DDX5: variants seen among roughly 807,000 people sequenced by gnomAD.
DDX5 encodes DEAD-box helicase 5.
DDX5 carries 6 observed loss-of-function variants against 68.6 expected under a neutral mutation model. The observed-to-expected ratio is 0.09, with a 90% CI of 0.05 to 0.17. The LOEUF (loss-of-function observed/expected upper bound fraction) is 0.17. Ranked by LOEUF, DDX5 falls within the 10% of genes least tolerant of loss-of-function variation. The pLI, the probability that DDX5 is intolerant of heterozygous loss-of-function variation, is 1.00. For missense variants in DDX5, 499 were observed against 756.1 expected (o/e 0.66, Z 3.99); for synonymous variants, 350 against 247.0 (o/e 1.42, Z -3.91).
chr17:64,506,018 T>TGGGGGGGGGGGGGG, intron 1 of DDX5, 58 bp downstream of exon 1: 1 of 1,309,550 alleles, frequency 7.6e-7, no homozygotes, highest in Non-Finnish European at 1.1e-6. Flanking sequence ...GCCGCCACCC[T>TGGGGGGGGGGGGGG]GACCCGCCCT....
chr17:64,504,635 C>T (rs2075552), intron 2 of DDX5, 42 bp downstream of exon 2: 167,086 of 1,554,328 alleles, frequency 0.11, 24,309 homozygotes, highest in African/African-American at 0.71. Flanking sequence ...CTAGAATCCA[C>T]GATCGAGTTA....
In DDX5 at chr17:64,498,918, G is replaced by C. The variant is rs1216591753; in HGVS notation, c.*1005C>G. Among the ~76,000 whole-genome samples the C allele has an allele frequency of 6.6e-6, 1 of 152,152 alleles. No individual in the cohort carries two copies. The highest frequency in any genetic ancestry group is 1.9e-4 in the East Asian group (1 of 5,202). ...CCTGATTAGTCATTAATTTTAATGA[G>C]GTTTTTTCCTTGTGTTGAGTATGAA... On this transcript the variant is annotated 3_prime_UTR_variant, in exon 13 of 13. Transcript: ENST00000225792.
rs782386009 is a variant in DDX5, at chr17:64,500,216, A to G, written c.1552T>C (p.Tyr518His). ...FRDRENYDRGYSSLLKRDFGA... is the reference protein window; with the variant it reads ...FRDRENYDRGHSSLLKRDFGA... ...AAATCTCTTTTAAGCAGGCTAGAGT[A>G]ACCTCTGTCATAATTTTCCCTGTCT... The change falls in exon 13 of 13, where the codon TAC becomes CAC. Residue 518 changes from tyrosine to histidine, a missense_variant. Tyr to His is a moderately conservative substitution (Grantham distance 83). Coordinates refer to ENST00000225792, the MANE Select transcript of DDX5 (RefSeq NM_004396.5). 6.2e-7 allele frequency: 1 copy of G among 1,614,190 alleles called. No homozygotes were observed. The highest frequency in any genetic ancestry group is 1.7e-5 in the Admixed American group (1 of 60,016).
chr17:64,503,614 G>A (rs782322413), intron 5 of DDX5, 43 bp from the exon 6 acceptor site: 31 of 1,606,098 alleles, frequency 1.9e-5, no homozygotes, highest in Non-Finnish European at 2.5e-5. Context: ...CTGGATACTA[G>A]TTTTAAACTG....
At chr17:64,506,587 A>C (rs1265577671), upstream of DDX5, 15 of 354,378 alleles carry the variant, frequency 4.2e-5, no homozygotes, top group Non-Finnish European at 7.8e-5. Flanking sequence ...CACCCTCGCC[A>C]CTCGGAGATG....
intron 6 of DDX5, 27 bp from the exon 7 acceptor site, chr17:64,503,375 A>G: frequency 1.2e-6 from 2 of 1,614,116 alleles, no homozygotes; most frequent in Non-Finnish European, 1.7e-6. Context: ...AAGTGTAACT[A>G]CAATACCTAG....
chr17:64,504,879 G>A (rs367708414), intron 1 of DDX5, 37 bp from the exon 2 acceptor site: 10 of 1,575,144 alleles, frequency 6.3e-6, no homozygotes, highest in East Asian at 4.5e-5. Context: ...ATTTTCAAAT[G>A]GCTATACCCA....
In DDX5 at chr17:64,504,113, T is replaced by C; in HGVS notation, c.311A>G (p.Asn104Ser). 1 of 1,613,996 alleles carries C rather than the reference T, an allele frequency of 6.2e-7. No individual in the cohort carries two copies. Among genetic ancestry groups the C allele is most frequent in the Non-Finnish European group, 8.5e-7 (1 of 1,179,940 alleles). ...CTGTCTTGCAATAACATCCATGACA[T>C]TTGCTATAATTAGTAACAGATATTT... is the stretch of plus-strand genomic sequence containing the variant. ...LNFYEANFPA[N>S]VMDVIARQNF... is the part of the protein sequence containing the mutation. The change falls in exon 4 of 13, where the codon AAT becomes AGT. Residue 104 changes from asparagine (N) to serine (S), a missense_variant. By Grantham distance (46) the Asn-to-Ser change is conservative. Around this residue, in one of 5 missense-constraint regions of DDX5, gnomAD observed 140 missense variants for 135.7 expected, o/e 1.03. Transcript: ENST00000225792.
rs782549207 is a variant in DDX5, at chr17:64,500,615, C to G, written c.1375G>C (p.Val459Leu). ...ATTGCTTGATTAGCTTCACGAAGCA[C>G]AGAGATAAGGTCGCTCACTTGCTTT... ...NIKQVSDLIS[V>L]LREANQAINP... Residue 459 changes from valine (V) to leucine (L), a missense_variant, in exon 12 of 13, where the codon GTG becomes CTG. Physicochemically the swap from Val to Leu is conservative, Grantham distance 32. Around this residue, in one of 5 missense-constraint regions of DDX5, gnomAD observed 21 missense variants for 37.6 expected, o/e 0.56. Coordinates refer to ENST00000225792, the MANE Select transcript of DDX5 (RefSeq NM_004396.5). 2 of 1,614,180 alleles carry G rather than the reference C, an allele frequency of 1.2e-6. No homozygotes were observed. The highest frequency in any genetic ancestry group is 1.1e-5 in the South Asian group (1 of 91,072).
rs2038314057 is a variant in DDX5, at chr17:64,502,232, A to G, written c.1095-9T>C. On this transcript the variant is annotated splice_polypyrimidine_tract_variant and intron_variant, in intron 9 of 12. Transcript: ENST00000225792. ...TACCCATGGCAGGCCACCTAAGTTA[A>G]AAGACAAGTTGTGTTATTAAACTCA... 3 of 1,613,716 alleles carry G rather than the reference A, an allele frequency of 1.9e-6. No individual in the cohort carries two copies.
rs928972784 is a variant in DDX5, at chr17:64,503,577, G to A, written c.508-6C>T. 3.7e-6 allele frequency: 6 copies of A among 1,613,154 alleles called. No individual in the cohort carries two copies. Among genetic ancestry groups the A allele is most frequent in the Non-Finnish European group, 5.1e-6 (6 of 1,179,702 alleles). ...GTTGGTGCCAGCACCAAACACTAAG[G>A]AAAGAGAAACAGCTTTCAGCACAAA... On this transcript the variant is annotated splice_polypyrimidine_tract_variant and splice_region_variant and intron_variant, in intron 5 of 12. Coordinates refer to ENST00000225792, the MANE Select transcript of DDX5 (RefSeq NM_004396.5).
Position 64,506,181 on chromosome 17 carries a change from G to T in DDX5, c.-62C>A, listed in dbSNP as rs782113646. 1 of 1,588,750 alleles carries T rather than the reference G, an allele frequency of 6.3e-7. No individual in the cohort carries two copies. Among genetic ancestry groups the T allele is most frequent in the Non-Finnish European group, 8.6e-7 (1 of 1,167,722 alleles). On this transcript the variant is annotated 5_prime_UTR_variant, in exon 1 of 13. Coordinates refer to ENST00000225792, the MANE Select transcript of DDX5 (RefSeq NM_004396.5). The stretch of plus-strand genomic sequence containing the variant: ...ATAGAAAAGCGTGCGACAAGTCGCT[G>T]GAAATGGCCTCGATGACGGCGAAGC...
Position 64,500,531 on chromosome 17 carries a change from C to A in DDX5, c.1441+18G>T, listed in dbSNP as rs2038273202. On this transcript the variant is annotated intron_variant, in intron 12 of 12. Coordinates refer to ENST00000225792, the MANE Select transcript of DDX5 (RefSeq NM_004396.5). ...ATGTGACTCGTAACTACCAACATTT[C>A]CTATCAGTCATCCTTACCTGAACCT... 1 of 1,604,764 alleles carries A rather than the reference C, an allele frequency of 6.2e-7. No homozygotes were observed. The highest frequency in any genetic ancestry group is 8.5e-7 in the Non-Finnish European group (1 of 1,173,268).
At position 64,506,178 on chromosome 17, in the gene DDX5, G is replaced by A. The variant is rs2144291016; in HGVS notation, c.-59C>T. On this transcript the variant is annotated 5_prime_UTR_variant, in exon 1 of 13. Coordinates refer to ENST00000225792, the MANE Select transcript of DDX5 (RefSeq NM_004396.5). ...TATATAGAAAAGCGTGCGACAAGTCGCTGGAAATGGCCTCGATGACGGCGA... is the reference window on the plus strand; with the variant it reads ...TATATAGAAAAGCGTGCGACAAGTCACTGGAAATGGCCTCGATGACGGCGA... The A allele has an allele frequency of 6.3e-7, 1 of 1,589,306 alleles. No individual in the cohort carries two copies. The highest frequency in any genetic ancestry group is 2.3e-5 in the East Asian group (1 of 43,962).
intron 12 of DDX5, 87 bp from the exon 13 acceptor site, chr17:64,500,413 G>A (rs1350706979): frequency 4.6e-6 from 7 of 1,535,090 alleles, no homozygotes; most frequent in Non-Finnish European, 4.4e-6. Context: ...TTCATGGTAG[G>A]CGTGAAATGT....
intron 3 of DDX5, 45 bp from the exon 4 acceptor site, chr17:64,504,161 A>G (rs1555671650): frequency 3.1e-6 from 5 of 1,612,918 alleles, no homozygotes; most frequent in South Asian, 2.2e-5. Flanking sequence ...TGATGCCAAG[A>G]AAAAGAGGGG....
chr17:64,500,555 C>T lies in DDX5; in HGVS notation c.1435G>A (p.Gly479Ser), dbSNP rs782314374. 2.5e-5 allele frequency: 41 copies of T among 1,613,070 alleles called. No individual in the cohort carries two copies. Among genetic ancestry groups the T allele is most frequent in the Non-Finnish European group, 3.1e-5 (36 of 1,179,508 alleles). Reference sequence around the variant, plus strand: ...TCCTATCAGTCATCCTTACCTGAACCTCTGTCTTCGACCAACTGAAGCAAC... The same window carrying T: ...TCCTATCAGTCATCCTTACCTGAACTTCTGTCTTCGACCAACTGAAGCAAC... ...PKLLQLVEDR[G>S]SGRSRGRGGM... Residue 479 changes from glycine to serine, a missense_variant, in exon 12 of 13, where the codon GGT becomes AGT. Physicochemically the swap from Gly to Ser is moderately conservative, Grantham distance 56. Coordinates refer to ENST00000225792, the MANE Select transcript of DDX5 (RefSeq NM_004396.5).
Position 64,503,577 on chromosome 17 carries a change from G to T in DDX5, c.508-6C>A. The T allele has an allele frequency of 1.9e-6, 3 of 1,613,154 alleles. No individual in the cohort carries two copies. The highest frequency in any genetic ancestry group is 1.3e-5 in the African/African-American group (1 of 74,974). ...GTTGGTGCCAGCACCAAACACTAAG[G>T]AAAGAGAAACAGCTTTCAGCACAAA... On this transcript the variant is annotated splice_polypyrimidine_tract_variant and splice_region_variant and intron_variant, in intron 5 of 12. Coordinates refer to ENST00000225792, the MANE Select transcript of DDX5 (RefSeq NM_004396.5).
rs568498163 is a variant in DDX5, at chr17:64,502,001, T to C, written c.1216+9A>G. ...GGAAACCAAGCCATGAATGCGAGTT[T>C]GTACTAACCTAGCCCTCTGGAGGCC... On this transcript the variant is annotated intron_variant, in intron 11 of 12. Coordinates refer to ENST00000225792, the MANE Select transcript of DDX5 (RefSeq NM_004396.5). 7 of 1,613,590 alleles carry C rather than the reference T, an allele frequency of 4.3e-6. No homozygotes were observed. The highest frequency in any genetic ancestry group is 5.9e-6 in the Non-Finnish European group (7 of 1,179,798).
Sources: gnomAD v4.1 joint callset for allele counts (sites outside exome capture counted in the v4.1 genomes callset) on GRCh38, gnomAD v4.1.1 for gene constraint, gnomAD v4.1.1 regional missense constraint, MANE v1.5 for transcripts, NCBI Gene and HGNC (gene_info 2026-07-23, HGNC 2026-07-21) for gene names.